The following MCC variants were observed in gnomAD, a reference collection of about 807,000 sequenced individuals.
MCC encodes colorectal mutant cancer protein.
Under a neutral mutation model 116.2 loss-of-function variants are expected in MCC, and 90 were observed. The observed-to-expected ratio is 0.77, with a 90% CI of 0.65 to 0.92. The LOEUF is 0.92. Ranked by LOEUF, MCC falls within the 40% of genes least tolerant of loss-of-function variation. MCC has a pLI of 0.00. For synonymous variants in MCC, 578 were observed against 510.5 expected (o/e 1.13, Z -1.78); for missense variants, 1,516 against 1,312.2 (o/e 1.16, Z -2.40).
At chr5:113,052,904 C>T in intron 15 of MCC, among the ~76,000 whole-genome samples, 1 of 152,308 alleles carries the variant, frequency 6.6e-6, no homozygotes, top group East Asian at 1.9e-4. Flanking sequence ...ATCAGCATCA[C>T]AAAGACACCC....
intron 2 of MCC, among the ~76,000 whole-genome samples, chr5:113,374,067 G>C (rs1322294203): frequency 6.6e-6 from 1 of 152,016 alleles, no homozygotes; most frequent in African/African-American, 2.4e-5. Context: ...ACCACGCCTG[G>C]CTAATTTTAG....
intron 3 of MCC, among the ~76,000 whole-genome samples, chr5:113,246,485 G>A (rs897746511): frequency 2.6e-5 from 4 of 152,220 alleles, no homozygotes; most frequent in African/African-American, 9.6e-5. Context: ...GAGGGGTTGT[G>A]TAGGAGAGAA....
chr5:113,378,809 T>C (rs1193266716), intron 2 of MCC, among the ~76,000 whole-genome samples: 1 of 152,236 alleles, frequency 6.6e-6, no homozygotes, highest in Non-Finnish European at 1.5e-5. Context: ...AGAAAAACTA[T>C]TTATTCAAAA....
intron 3 of MCC, among the ~76,000 whole-genome samples, chr5:113,325,710 C>G (rs1398183555): frequency 6.6e-6 from 1 of 152,106 alleles, no homozygotes; most frequent in Non-Finnish European, 1.5e-5. Context: ...CATTTGAAAG[C>G]AGACTTTCAA....
intron 2 of MCC, among the ~76,000 whole-genome samples, chr5:113,367,784 G>C (rs1183273730): frequency 2.0e-5 from 3 of 152,098 alleles, no homozygotes; most frequent in Non-Finnish European, 4.4e-5. Context: ...AGGGCATATA[G>C]GTCAGCATTA....
intron 12 of MCC, 124 bp downstream of exon 12, chr5:113,070,970 G>T: frequency 9.5e-7 from 1 of 1,053,038 alleles, no homozygotes; most frequent in Non-Finnish European, 1.4e-6. Flanking sequence ...CAAACCGCCA[G>T]ATATGCCTTG....
intron 2 of MCC, among the ~76,000 whole-genome samples, chr5:113,370,787 A>G (rs1321037853): frequency 1.3e-5 from 2 of 152,224 alleles, no homozygotes; most frequent in African/African-American, 2.4e-5. Flanking sequence ...CTCCCCTTCA[A>G]CACACAGTCT....
chr5:113,335,553 C>T (rs917731692), intron 3 of MCC, among the ~76,000 whole-genome samples: 1 of 151,634 alleles, frequency 6.6e-6, no homozygotes, highest in African/African-American at 2.4e-5. Flanking sequence ...GAATCCATAA[C>T]ATTATAATTT....
chr5:113,129,014 G>C (rs1443691), intron 5 of MCC, among the ~76,000 whole-genome samples: 6,267 of 152,244 alleles, frequency 0.041, 411 homozygotes, highest in African/African-American at 0.14. Flanking sequence ...AAATCTTAGT[G>C]GTCAGATTAT....
At chr5:113,476,164 A>G (rs979528165) in intron 1 of MCC, among the ~76,000 whole-genome samples, 1 of 152,236 alleles carries the variant, frequency 6.6e-6, no homozygotes, top group Admixed American at 6.5e-5. Context: ...TAAAACTCTC[A>G]GCTGTGTTTT....
intron 3 of MCC, among the ~76,000 whole-genome samples, chr5:113,202,989 C>T (rs141712954): frequency 7.2e-5 from 11 of 152,108 alleles, no homozygotes; most frequent in African/African-American, 1.7e-4. Context: ...ACCAGTAAAG[C>T]GCATACAATT....
At chr5:113,461,556 G>C (rs1198626153) in intron 1 of MCC, among the ~76,000 whole-genome samples, 1 of 151,432 alleles carries the variant, frequency 6.6e-6, no homozygotes, top group Non-Finnish European at 1.5e-5. Flanking sequence ...TGTAATCCCA[G>C]GGCTTTGGGG....
At chr5:113,326,274 T>C (rs1004406802) in intron 3 of MCC, among the ~76,000 whole-genome samples, 2 of 152,190 alleles carry the variant, frequency 1.3e-5, no homozygotes, top group Non-Finnish European at 2.9e-5. Flanking sequence ...AATCATTACA[T>C]ACTATTTATG....
chr5:113,461,924 T>A lies in MCC; in HGVS notation c.170+26321A>T, dbSNP rs543876978. Among the ~76,000 whole-genome samples, 3 of 152,192 alleles carry A rather than the reference T, an allele frequency of 2.0e-5. No individual in the cohort carries two copies. The South Asian group carries it at 6.2e-4, about 32-fold the overall frequency. On this transcript the variant is annotated intron_variant, in intron 1 of 18. Transcript: ENST00000408903. The stretch of plus-strand genomic sequence containing the variant: ...ACCCAGGAAAAGCAGGAGTGACAAT[T>A]TGCTAAATAGAGGACACACTAGGTT...
chr5:113,322,544 C>T (rs1250461482), intron 3 of MCC, among the ~76,000 whole-genome samples: 1 of 152,106 alleles, frequency 6.6e-6, no homozygotes, highest in Non-Finnish European at 1.5e-5. Flanking sequence ...AAGAGAAAAT[C>T]AACTCCCCCT....
intron 2 of MCC, among the ~76,000 whole-genome samples, chr5:113,376,572 T>TACACACAC (rs1317707573): frequency 2.6e-5 from 2 of 76,368 alleles, no homozygotes; most frequent in Admixed American, 1.2e-4. Flanking sequence ...TGCCATATTT[T>TACACACAC]ATACACACAC....
chr5:113,274,520 C>T (rs533537225), intron 3 of MCC, among the ~76,000 whole-genome samples: 8 of 152,200 alleles, frequency 5.3e-5, no homozygotes, highest in South Asian at 2.1e-4. Context: ...CCACCACACC[C>T]GGCTAATTTT....
chr5:113,028,286 T>G (rs1750706243), intron 18 of MCC, among the ~76,000 whole-genome samples: 1 of 152,246 alleles, frequency 6.6e-6, no homozygotes, highest in Admixed American at 6.5e-5. Flanking sequence ...CCTAGCTGTC[T>G]TCTATTAAGC....
rs894514014 is a variant in MCC, at chr5:113,081,776, T to C, written c.1784+1084A>G. ...ATTTCAAGATTTAAAATGACCTAGA[T>C]TGCCAATTTACCTTAGTTCTCAAGA... On this transcript the variant is annotated intron_variant, in intron 11 of 18. Transcript: ENST00000408903. 8.5e-4 allele frequency among the ~76,000 whole-genome samples: 8 copies of C among 9,446 alleles called. No individual in the cohort carries two copies. The Non-Finnish European group carries it at 0.02, about 23-fold the overall frequency. The allele number at this position is 9,446 out of a possible 152,430, so 6.2% of individuals were successfully genotyped here.
Sources: gnomAD v4.1 joint callset for allele counts (sites outside exome capture counted in the v4.1 genomes callset) on GRCh38, gnomAD v4.1.1 for gene constraint, MANE v1.5 for transcripts, NCBI Gene and HGNC (gene_info 2026-07-23, HGNC 2026-07-21) for gene names.